Variants in EIF4ENIF1 observed in about 807,000 individuals in gnomAD.
EIF4ENIF1 encodes the protein eukaryotic translation initiation factor 4E nuclear import factor 1.
Under a neutral mutation model 110.5 loss-of-function variants are expected in EIF4ENIF1, and 23 were observed. That is an observed-to-expected ratio of 0.21 (90% CI 0.15 to 0.29). EIF4ENIF1 has a LOEUF of 0.29. EIF4ENIF1 is among the 10% of genes least tolerant of loss of function. EIF4ENIF1 has a pLI of 1.00. For missense variants in EIF4ENIF1, 1,031 were observed against 1,221.1 expected (o/e 0.84, Z 2.32); for synonymous variants, 440 against 437.0 (o/e 1.01, Z -0.09).
chr22:31,440,200 A>G, intron 18 of EIF4ENIF1, 79 bp from the exon 19 acceptor site: 1 of 1,601,544 alleles, frequency 6.2e-7, no homozygotes, highest in Non-Finnish European at 8.5e-7. Flanking sequence ...AACCCTATCC[A>G]AAGAAAAGTC....
chr22:31,491,025 GT>G (rs539907855), upstream of EIF4ENIF1, among the ~76,000 whole-genome samples: 1 of 151,846 alleles, frequency 6.6e-6, no homozygotes, highest in South Asian at 2.1e-4. Flanking sequence ...CTTACAAACT[GT>G]TTTTTTACAG....
At chr22:31,459,803 T>C (rs1569083209) in intron 6 of EIF4ENIF1, among the ~76,000 whole-genome samples, 1 of 152,176 alleles carries the variant, frequency 6.6e-6, no homozygotes, top group Non-Finnish European at 1.5e-5. Context: ...AGACATTCTG[T>C]AGTTAGCTAA....
Position 31,444,675 on chromosome 22 carries a change from G to A in EIF4ENIF1, c.2004C>T (p.Thr668=). 2.5e-6 allele frequency: 4 copies of A among 1,614,010 alleles called. No individual in the cohort carries two copies. The highest frequency in any genetic ancestry group is 3.4e-6 in the Non-Finnish European group (4 of 1,179,970). ...DGFRNRQQRV[T]KSPAPVHRGN... is the part of the protein sequence containing the mutation. The stretch of plus-strand genomic sequence containing the variant: ...CTCGATGCACGGGTGCTGGTGACTT[G>A]GTCACTCGCTGTTGCCTGTGAACAA... Residue 668 remains threonine, a synonymous_variant, in exon 15 of 19, where the codon ACC becomes ACT. Coordinates refer to ENST00000330125, the MANE Select transcript of EIF4ENIF1 (RefSeq NM_019843.4).
rs755098601 is a variant in EIF4ENIF1, at chr22:31,488,707, T to A, written c.12A>T (p.Arg4Ser). The A allele has an allele frequency of 4.3e-6, 7 of 1,613,926 alleles. No homozygotes were observed. Among genetic ancestry groups the A allele is most frequent in the Non-Finnish European group, 3.4e-6 (4 of 1,179,994 alleles). Residue 4 changes from arginine (R) to serine (S), a missense_variant, in exon 2 of 19, where the codon AGA becomes AGT. Physicochemically the swap from Arg to Ser is moderately radical, Grantham distance 110. Coordinates refer to ENST00000330125, the MANE Select transcript of EIF4ENIF1 (RefSeq NM_019843.4). MDR[R>S]SMGETESGDA... The stretch of plus-strand genomic sequence containing the variant: ...CTCCACTTTCTGTTTCACCCATACT[T>A]CTCCTATCCATGGCTCCTTGGTCTA...
At chr22:31,476,426 CA>C (rs1350845898) in intron 2 of EIF4ENIF1, among the ~76,000 whole-genome samples, 1 of 151,850 alleles carries the variant, frequency 6.6e-6, no homozygotes, top group Admixed American at 6.6e-5. Context: ...AACACAACCA[CA>C]AAACATCCAG....
intron 2 of EIF4ENIF1, among the ~76,000 whole-genome samples, chr22:31,485,148 T>C (rs1054066812): frequency 6.6e-6 from 1 of 152,216 alleles, no homozygotes; most frequent in Non-Finnish European, 1.5e-5. Context: ...TATCCTAAAA[T>C]TGTCATTAAC....
chr22:31,455,397 T>TTC, intron 8 of EIF4ENIF1, 82 bp from the exon 9 acceptor site: 4 of 673,822 alleles, frequency 5.9e-6, no homozygotes, highest in South Asian at 1.0e-4. Flanking sequence ...CTTTCTTTCT[T>TTC]TTTTTTTTTT....
intron 2 of EIF4ENIF1, among the ~76,000 whole-genome samples, chr22:31,476,665 C>T (rs751385195): frequency 7.9e-5 from 12 of 151,920 alleles, no homozygotes; most frequent in Non-Finnish European, 1.3e-4. Flanking sequence ...GAGGCCAAGG[C>T]GGGTGGATCA....
Position 31,463,104 on chromosome 22 carries a change from A to G in EIF4ENIF1, c.615T>C (p.Phe205=). Residue 205 remains phenylalanine (F), a synonymous_variant, in exon 6 of 19, where the codon TTT becomes TTC. Transcript: ENST00000330125. The stretch of plus-strand genomic sequence containing the variant: ...AAGAATCATTTCTTCTACGCTCACC[A>G]AAGACACGCTTACTATCTCCAAACT... ...RREFGDSKRV[F]GERRRNDSYT... is the part of the protein sequence containing the mutation. 1 of 1,614,180 alleles carries G rather than the reference A, an allele frequency of 6.2e-7. No homozygotes were observed. Among genetic ancestry groups the G allele is most frequent in the East Asian group, 2.2e-5 (1 of 44,890 alleles).
chr22:31,474,747 A>G (rs146429600), intron 2 of EIF4ENIF1, among the ~76,000 whole-genome samples: 1,618 of 152,230 alleles, frequency 0.011, 9 homozygotes, highest in Middle Eastern at 0.027. Context: ...CCATATATAC[A>G]ACAAACTACT....
At chr22:31,471,717 C>T (rs3788434) in intron 3 of EIF4ENIF1, 127 bp downstream of exon 3, 15,269 of 839,104 alleles carry the variant, frequency 0.018, 656 homozygotes, top group Admixed American at 0.097. Flanking sequence ...TATTACCTCT[C>T]GAAATCCCTC....
At chr22:31,464,832 T>A (rs1414662183) in intron 4 of EIF4ENIF1, among the ~76,000 whole-genome samples, 2 of 149,268 alleles carry the variant, frequency 1.3e-5, no homozygotes, top group Admixed American at 6.7e-5. Flanking sequence ...CTTGTGGCAC[T>A]GGGTTAGGCA....
At chr22:31,467,649 C>G (rs1447494487) in intron 4 of EIF4ENIF1, among the ~76,000 whole-genome samples, 1 of 151,964 alleles carries the variant, frequency 6.6e-6, no homozygotes, top group African/African-American at 2.4e-5. Flanking sequence ...ATGGTGAAAC[C>G]CCATCTCTAC....
At chr22:31,459,336 C>T (rs1462398704) in intron 6 of EIF4ENIF1, among the ~76,000 whole-genome samples, 1 of 152,100 alleles carries the variant, frequency 6.6e-6, no homozygotes, top group East Asian at 1.9e-4. Flanking sequence ...TCTGCCCATG[C>T]ACCTGTAGCA....
intron 6 of EIF4ENIF1, 116 bp downstream of exon 6, chr22:31,462,816 C>G: frequency 9.5e-7 from 1 of 1,057,014 alleles, no homozygotes; most frequent in African/African-American, 1.6e-5. Context: ...CTCCTGACCT[C>G]AGGTGATCCG....
At chr22:31,490,650 T>A (rs570314828), upstream of EIF4ENIF1, among the ~76,000 whole-genome samples, 1 of 152,276 alleles carries the variant, frequency 6.6e-6, no homozygotes, top group East Asian at 1.9e-4. Context: ...TGTCAAGTGC[T>A]TACCACGTAG....
chr22:31,441,341 C>T (rs73160624), intron 17 of EIF4ENIF1, among the ~76,000 whole-genome samples: 7,143 of 151,980 alleles, frequency 0.047, 251 homozygotes, highest in Admixed American at 0.12. Flanking sequence ...AGTTTGAGAC[C>T]AGCCTGGGCA....
chr22:31,491,288 T>A (rs867393527), upstream of EIF4ENIF1, among the ~76,000 whole-genome samples: 2 of 152,194 alleles, frequency 1.3e-5, no homozygotes, highest in African/African-American at 4.8e-5. Context: ...ATAATACAGA[T>A]GTTATTATTT....
At chr22:31,450,843 C>CCA (rs1569073447) in intron 10 of EIF4ENIF1, 32 of 96,934 alleles carry the variant, frequency 3.3e-4, no homozygotes, top group South Asian at 1.1e-3. Flanking sequence ...TATATATATA[C>CCA]TACACACACA....
Sources: allele counts gnomAD v4.1 joint callset (sites outside exome capture counted in the v4.1 genomes callset), GRCh38; gene constraint gnomAD v4.1.1; transcripts MANE v1.5; gene names NCBI Gene and HGNC (gene_info 2026-07-23, HGNC 2026-07-21).